TRIM56: variants seen among roughly 807,000 people sequenced by gnomAD.
TRIM56 encodes the protein E3 ubiquitin-protein ligase TRIM56.
Under a neutral mutation model 17.1 loss-of-function variants are expected in TRIM56, and 10 were observed. The observed-to-expected ratio is 0.58, with a 90% CI of 0.36 to 0.99. The LOEUF is 0.99. Among genes scored for constraint, TRIM56 ranks in the 50% least tolerant of loss-of-function variants. The probability of loss-of-function intolerance (pLI) is 0.01; values close to 1 mark genes in which losing one functional copy is unlikely to be tolerated. For missense variants in TRIM56, 923 were observed against 1,052.3 expected, an observed-to-expected ratio of 0.88 and a Z score of 1.70; for synonymous variants, 503 against 473.5, an observed-to-expected ratio of 1.06 and a Z score of -0.81.
Position 101,097,576 on chromosome 7 carries a change from T to C in TRIM56, c.*7996T>C, listed in dbSNP as rs932292470. 5.3e-5 allele frequency: 8 copies of C among 152,254 alleles called. No individual in the cohort carries two copies. Among genetic ancestry groups the C allele is most frequent in the African/African-American group, 1.9e-4 (8 of 41,464 alleles). The allele number at this position is 152,254 out of a possible 1,614,324, so 9.4% of individuals were successfully genotyped here. On this transcript the variant is annotated 3_prime_UTR_variant, in exon 3 of 3. Coordinates refer to ENST00000306085, the MANE Select transcript of TRIM56 (RefSeq NM_030961.3). ...TATACAAAGTACAGCAACATCAGAC[T>C]AGATCTCACCTGAGGTGCTGGGTGA...
chr7:101,089,723 C>T lies in TRIM56; in HGVS notation c.*143C>T. On this transcript the variant is annotated 3_prime_UTR_variant, in exon 3 of 3. Transcript: ENST00000306085. ...TCAACATGGAGTGCCAAACTGCTAA[C>T]CCGTCTTCTAGTGTGTGAGAATAGG... 1 of 742,398 alleles carries T rather than the reference C, an allele frequency of 1.3e-6. No individual in the cohort carries two copies. 46.0% of individuals were successfully genotyped at this position (742,398 alleles called of 1,614,324 possible). A position where few individuals can be genotyped will look rare whatever the true frequency, so the allele number is the denominator to read the frequency against.
chr7:101,089,679 G>A lies in TRIM56; in HGVS notation c.*99G>A. The stretch of plus-strand genomic sequence containing the variant: ...GGAGGCCGAGGACATTTTCCTGAAG[G>A]GCAGGGGTTGGCAACTTTTCAACAT... On this transcript the variant is annotated 3_prime_UTR_variant, in exon 3 of 3. Coordinates refer to ENST00000306085, the MANE Select transcript of TRIM56 (RefSeq NM_030961.3). 1 of 1,185,728 alleles carries A rather than the reference G, an allele frequency of 8.4e-7. No homozygotes were observed. The highest frequency in any genetic ancestry group is 1.2e-6 in the Non-Finnish European group (1 of 853,696). The allele number at this position is 1,185,728 out of a possible 1,614,324, so 73.5% of individuals were successfully genotyped here.
Position 101,088,784 on chromosome 7 carries a change from C to T in TRIM56, c.1472C>T (p.Pro491Leu). Residue 491 changes from proline to leucine, a missense_variant, in exon 3 of 3, where the codon CCC (proline) becomes CTC (leucine). By Grantham distance (98) the Pro-to-Leu change is moderately conservative. Around this residue, in one of 3 missense-constraint regions of TRIM56, gnomAD observed 643 missense variants for 665.6 expected, o/e 0.97. Coordinates refer to ENST00000306085, the MANE Select transcript of TRIM56 (RefSeq NM_030961.3). ...GACGGCTCTGGCCTCCTCCCCAGAC[C>T]CATCTTTTACTGCAGTTTCCCCACG... ...NLDGSGLLPR[P>L]IFYCSFPTRM... 2 of 1,613,904 alleles carry T rather than the reference C, an allele frequency of 1.2e-6. No homozygotes were observed. Among genetic ancestry groups the T allele is most frequent in the Non-Finnish European group, 1.7e-6 (2 of 1,180,032 alleles).
chr7:101,089,602 A>G lies in TRIM56; in HGVS notation c.*22A>G. The G allele has an allele frequency of 6.3e-7, 1 of 1,592,658 alleles. No individual in the cohort carries two copies. The highest frequency in any genetic ancestry group is 8.6e-7 in the Non-Finnish European group (1 of 1,165,362). On this transcript the variant is annotated 3_prime_UTR_variant, in exon 3 of 3. Transcript: ENST00000306085. Reference sequence around the variant, plus strand: ...TTAAAGGGGCTAGGACTAGGGTGAGAGGGAGTGGGGAGGGAGAGGGCAGGA... The same window carrying G: ...TTAAAGGGGCTAGGACTAGGGTGAGGGGGAGTGGGGAGGGAGAGGGCAGGA...
rs2116549668 is a variant in TRIM56, at chr7:101,097,698, A to G, written c.*8118A>G. 1 of 152,244 alleles carries G rather than the reference A, an allele frequency of 6.6e-6. No individual in the cohort carries two copies. Among genetic ancestry groups the G allele is most frequent in the Admixed American group, 6.5e-5 (1 of 15,288 alleles). 9.4% of individuals were successfully genotyped at this position (152,244 alleles called of 1,614,324 possible). On this transcript the variant is annotated 3_prime_UTR_variant, in exon 3 of 3. Coordinates refer to ENST00000306085, the MANE Select transcript of TRIM56 (RefSeq NM_030961.3). ...TGACTTGTCTCCAGAGAAAGTTAGA[A>G]CTGGTTGACTTAGCAACCAAGGGAC...
In TRIM56 at chr7:101,093,340, T is replaced by TAAAAAAAA. The variant is rs576426651; in HGVS notation, c.*3772_*3779dup. 3.5e-4 allele frequency: 32 copies of TAAAAAAAA among 90,792 alleles called. No homozygotes were observed. Among genetic ancestry groups the TAAAAAAAA allele is most frequent in the Non-Finnish European group, 5.4e-4 (21 of 39,086 alleles). The allele number at this position is 90,792 out of a possible 1,614,324, so 5.6% of individuals were successfully genotyped here. A position where few individuals can be genotyped will look rare whatever the true frequency, so the allele number is the denominator to read the frequency against. On this transcript the variant is annotated 3_prime_UTR_variant, in exon 3 of 3. Transcript: ENST00000306085. ...CACCCAAGAATGATCAATAAAAAAT[T>TAAAAAAAA]AAAAAAAAAAAAAAAAAAAGAAAAC...
At position 101,087,865 on chromosome 7, in the gene TRIM56, T is replaced by TCAC; in HGVS notation, c.554_556dup (p.Ser185_Gln186insPro). Reference sequence around the variant, plus strand: ...ACTGCGCTTCCTGTGCCAGCCCTGCTCACAGTTGCTGTGCAGAGAGTGCCG... The same window carrying TCAC: ...ACTGCGCTTCCTGTGCCAGCCCTGCTCACCACAGTTGCTGTGCAGAGAGTGCCG... On this transcript the variant is annotated inframe_insertion, in exon 3 of 3. Transcript: ENST00000306085. The TCAC allele has an allele frequency of 6.2e-7, 1 of 1,605,864 alleles. No individual in the cohort carries two copies. Among genetic ancestry groups the TCAC allele is most frequent in the Non-Finnish European group, 8.5e-7 (1 of 1,177,812 alleles).
At position 101,095,037 on chromosome 7, in the gene TRIM56, C is replaced by T. The variant is rs1795634673; in HGVS notation, c.*5457C>T. 1 of 143,786 alleles carries T rather than the reference C, an allele frequency of 7.0e-6. No homozygotes were observed. Among genetic ancestry groups the T allele is most frequent in the Non-Finnish European group, 1.5e-5 (1 of 66,748 alleles). The allele number at this position is 143,786 out of a possible 1,614,324, so 8.9% of individuals were successfully genotyped here. A position where few individuals can be genotyped will look rare whatever the true frequency, so the allele number is the denominator to read the frequency against. On this transcript the variant is annotated 3_prime_UTR_variant, in exon 3 of 3. Coordinates refer to ENST00000306085, the MANE Select transcript of TRIM56 (RefSeq NM_030961.3). ...TAGGGGGCACTGTGGACACGGTTCGCATCTGCCTCCCAAGGCTGGGCTCCG... is the reference window on the plus strand; with the variant it reads ...TAGGGGGCACTGTGGACACGGTTCGTATCTGCCTCCCAAGGCTGGGCTCCG...
rs1246392919 is a variant in TRIM56, at chr7:101,091,489, G to C, written c.*1909G>C. On this transcript the variant is annotated 3_prime_UTR_variant, in exon 3 of 3. Coordinates refer to ENST00000306085, the MANE Select transcript of TRIM56 (RefSeq NM_030961.3). ...AGCCTGTAATCCCAGCACTCTGGGA[G>C]GCTGGGGTGGGTGGATCACTCAAGG... The C allele has an allele frequency of 7.4e-6, 2 of 268,482 alleles. No homozygotes were observed. The highest frequency in any genetic ancestry group is 4.9e-5 in the Admixed American group (1 of 20,438). The allele number at this position is 268,482 out of a possible 1,614,324, so 16.6% of individuals were successfully genotyped here.
At position 101,087,841 on chromosome 7, in the gene TRIM56, C is replaced by T; in HGVS notation, c.529C>T (p.Leu177=). The T allele has an allele frequency of 6.2e-7, 1 of 1,604,144 alleles. No individual in the cohort carries two copies. Residue 177 remains leucine (L), a synonymous_variant, in exon 3 of 3, where the codon CTG becomes TTG. Coordinates refer to ENST00000306085, the MANE Select transcript of TRIM56 (RefSeq NM_030961.3). The stretch of plus-strand genomic sequence containing the variant: ...GTGTCCCCAGCACCCCGGGGAGGCA[C>T]TGCGCTTCCTGTGCCAGCCCTGCTC... ...AQCPQHPGEA[L]RFLCQPCSQL...
At position 101,094,803 on chromosome 7, in the gene TRIM56, G is replaced by A; in HGVS notation, c.*5223G>A. The A allele has an allele frequency of 7.4e-6, 1 of 134,322 alleles. No homozygotes were observed. The highest frequency in any genetic ancestry group is 1.6e-5 in the Non-Finnish European group (1 of 63,020). 8.3% of individuals were successfully genotyped at this position (134,322 alleles called of 1,614,324 possible). A position where few individuals can be genotyped will look rare whatever the true frequency, so the allele number is the denominator to read the frequency against. On this transcript the variant is annotated 3_prime_UTR_variant, in exon 3 of 3. Transcript: ENST00000306085. ...GTTTCTACAGGACCAACTAGAATAG[G>A]GATCAGCTACATGGGGGCGGGGGGA...
In TRIM56 at chr7:101,087,863, G is replaced by T. The variant is rs1337015771; in HGVS notation, c.551G>T (p.Cys184Phe). ...GCACTGCGCTTCCTGTGCCAGCCCT[G>T]CTCACAGTTGCTGTGCAGAGAGTGC... is the stretch of plus-strand genomic sequence containing the variant. ...GEALRFLCQP[C>F]SQLLCRECRL... Residue 184 changes from cysteine to phenylalanine, a missense_variant, in exon 3 of 3, where the codon TGC becomes TTC. Coordinates refer to ENST00000306085, the MANE Select transcript of TRIM56 (RefSeq NM_030961.3). 1 of 1,605,584 alleles carries T rather than the reference G, an allele frequency of 6.2e-7. No individual in the cohort carries two copies. The highest frequency in any genetic ancestry group is 2.2e-5 in the East Asian group (1 of 44,686).
Position 101,087,591 on chromosome 7 carries a change from C to T in TRIM56, c.279C>T (p.Asp93=), listed in dbSNP as rs780018666. ...LDLVKARACG[D]LRAGKPACAL... ...TGGTGAAGGCCCGGGCCTGTGGAGA[C>T]CTGCGTGCCGGGAAGCCAGCCTGTG... The change falls in exon 3 of 3, where the codon GAC becomes GAT. Residue 93 remains aspartate (D), a synonymous_variant. Transcript: ENST00000306085. 7.4e-6 allele frequency: 12 copies of T among 1,612,560 alleles called. No homozygotes were observed. Among genetic ancestry groups the T allele is most frequent in the Non-Finnish European group, 1.0e-5 (12 of 1,179,574 alleles).
Position 101,088,616 on chromosome 7 carries a change from TGGA to T in TRIM56, c.1311_1313del (p.Glu437del). The T allele has an allele frequency of 1.2e-6, 2 of 1,613,160 alleles. No individual in the cohort carries two copies. On this transcript the variant is annotated inframe_deletion, in exon 3 of 3. Coordinates refer to ENST00000306085, the MANE Select transcript of TRIM56 (RefSeq NM_030961.3). ...ACCCGAGAAGAGGGAGCCCAGACCT[TGGA>T]GGAGGACAGGGCCCAGACACCCCAC...
rs1795472495 is a variant in TRIM56 at position 101,087,576 on chromosome 7, C to T, written c.264C>T (p.Ala88=). 6.2e-7 allele frequency: 1 copy of T among 1,612,908 alleles called. No homozygotes were observed. Among genetic ancestry groups the T allele is most frequent in the Admixed American group, 1.7e-5 (1 of 59,984 alleles). The change falls in exon 3 of 3, where the codon GCC becomes GCT. Residue 88 remains alanine (A), a synonymous_variant. Coordinates refer to ENST00000306085, the MANE Select transcript of TRIM56 (RefSeq NM_030961.3). The stretch of plus-strand genomic sequence containing the variant: ...ATGGGCTGCTGGACCTGGTGAAGGC[C>T]CGGGCCTGTGGAGACCTGCGTGCCG... ...FVNGLLDLVK[A]RACGDLRAGK...
rs1795646979 is a variant in TRIM56 at position 101,095,920 on chromosome 7, G to A, written c.*6340G>A. On this transcript the variant is annotated 3_prime_UTR_variant, in exon 3 of 3. Coordinates refer to ENST00000306085, the MANE Select transcript of TRIM56 (RefSeq NM_030961.3). ...TATATCGCAGATACAAAGAGACCAG[G>A]AACACGCTTGTAATCACAGCACTTA... 1 of 152,196 alleles carries A rather than the reference G, an allele frequency of 6.6e-6. No homozygotes were observed. The highest frequency in any genetic ancestry group is 2.4e-5 in the African/African-American group (1 of 41,444). The allele number at this position is 152,196 out of a possible 1,614,324, so 9.4% of individuals were successfully genotyped here. A position where few individuals can be genotyped will look rare whatever the true frequency, so the allele number is the denominator to read the frequency against.
Position 101,096,956 on chromosome 7 carries a change from A to G in TRIM56, c.*7376A>G, listed in dbSNP as rs1207076197. ...ACCGTATTAGTTAAGGACCCATAAG[A>G]GTAGACATTTAGAAAAAGTGAAAAA... On this transcript the variant is annotated 3_prime_UTR_variant, in exon 3 of 3. Coordinates refer to ENST00000306085, the MANE Select transcript of TRIM56 (RefSeq NM_030961.3). The G allele has an allele frequency of 2.6e-5, 4 of 152,218 alleles. No individual in the cohort carries two copies. Among genetic ancestry groups the G allele is most frequent in the Non-Finnish European group, 5.9e-5 (4 of 68,042 alleles). 9.4% of individuals were successfully genotyped at this position (152,218 alleles called of 1,614,324 possible). A position where few individuals can be genotyped will look rare whatever the true frequency, so the allele number is the denominator to read the frequency against.
At position 101,090,654 on chromosome 7, in the gene TRIM56, A is replaced by T. The variant is rs1035483942; in HGVS notation, c.*1074A>T. The T allele has an allele frequency of 1.0e-4, 15 of 149,298 alleles. No individual in the cohort carries two copies. The highest frequency in any genetic ancestry group is 3.7e-4 in the African/African-American group (15 of 40,730). The allele number at this position is 149,298 out of a possible 1,614,324, so 9.2% of individuals were successfully genotyped here. On this transcript the variant is annotated 3_prime_UTR_variant, in exon 3 of 3. Coordinates refer to ENST00000306085, the MANE Select transcript of TRIM56 (RefSeq NM_030961.3). ...ACAGAAACAACAGAAAAAGCAGGTT[A>T]TCCATCACTTCTCAGCTAAGATCAA... is the stretch of plus-strand genomic sequence containing the variant.
chr7:101,089,118 C>T lies in TRIM56; in HGVS notation c.1806C>T (p.Arg602=), dbSNP rs750917395. 1.0e-5 allele frequency: 16 copies of T among 1,605,638 alleles called. No individual in the cohort carries two copies. The highest frequency in any genetic ancestry group is 4.5e-5 in the East Asian group (2 of 44,786). Residue 602 remains arginine, a synonymous_variant, in exon 3 of 3, where the codon CGC becomes CGT. Transcript: ENST00000306085. ...TGGCGGCACTGCCTAGCGGGGACCGCGTGGCTGTCAGCGTGGCGGGCCACG... is the reference window on the plus strand; with the variant it reads ...TGGCGGCACTGCCTAGCGGGGACCGTGTGGCTGTCAGCGTGGCGGGCCACG... The part of the protein sequence containing the change: ...HAVAALPSGD[R]VAVSVAGHVE...
Sources: gnomAD v4.1 joint callset for allele counts on GRCh38, gnomAD v4.1.1 for gene constraint, gnomAD v4.1.1 regional missense constraint, MANE v1.5 for transcripts, NCBI Gene and HGNC (gene_info 2026-07-23, HGNC 2026-07-21) for gene names.